The following ANO2 variants were observed in gnomAD, a reference collection of about 807,000 sequenced individuals.
ANO2 encodes the protein anoctamin-2.
In ANO2, 101 loss-of-function variants were observed where a neutral mutation model predicts 124.2. The observed-to-expected ratio is 0.81, with a 90% CI of 0.69 to 0.96. The LOEUF (loss-of-function observed/expected upper bound fraction) is 0.96, where lower values mean the gene tolerates loss of function less well. Among genes scored for constraint, ANO2 ranks in the 40% least tolerant of loss-of-function variants. The pLI is 0.00. For synonymous variants in ANO2, 486 were observed against 482.5 expected, an observed-to-expected ratio of 1.01 and a Z score of -0.09; for missense variants, 1,293 against 1,274.5, an observed-to-expected ratio of 1.01 and a Z score of -0.22.
At chr12:5,597,277 G>C (rs775407915) in intron 20 of ANO2, among the ~76,000 whole-genome samples, 2 of 152,026 alleles carry the variant, frequency 1.3e-5, no homozygotes, top group Non-Finnish European at 2.9e-5. Context: ...GGGCCCCAGT[G>C]TGTGTTGTTC....
chr12:5,733,606 G>A (rs1950735164), intron 13 of ANO2, among the ~76,000 whole-genome samples: 1 of 152,200 alleles, frequency 6.6e-6, no homozygotes, highest in Admixed American at 6.5e-5. Context: ...AGATTCCAAA[G>A]GTCAACGGGC....
rs781757788 is a variant in ANO2 at position 5,921,366 on chromosome 12, C to A, written c.208G>T (p.Val70Phe). The stretch of plus-strand genomic sequence containing the variant: ...TTGGCATCCAGATAGTTGTTGATGA[C>A]CTGGCCAGAGAGAGAGGAGAGGCAG... Reference protein sequence around the residue: ...CGGESTRSSSVINNYLDANEP... With the variant: ...CGGESTRSSSFINNYLDANEP... The change falls in exon 3 of 25, where the codon GTC becomes TTC. Residue 70 changes from valine (V) to phenylalanine (F), a missense_variant and splice_region_variant. Coordinates refer to ENST00000682330, the MANE Select transcript of ANO2 (RefSeq NM_001364791.2). 6.2e-7 allele frequency: 1 copy of A among 1,612,924 alleles called. No individual in the cohort carries two copies. Among genetic ancestry groups the A allele is most frequent in the South Asian group, 1.1e-5 (1 of 91,018 alleles).
intron 10 of ANO2, among the ~76,000 whole-genome samples, chr12:5,781,805 G>A (rs2137134814): frequency 6.6e-6 from 1 of 152,226 alleles, no homozygotes; most frequent in Non-Finnish European, 1.5e-5. Context: ...ATTCCACTGT[G>A]GTCTGAGGAT....
At chr12:5,577,661 A>G (rs1025818839) in intron 22 of ANO2, among the ~76,000 whole-genome samples, 4 of 152,232 alleles carry the variant, frequency 2.6e-5, no homozygotes, top group African/African-American at 9.6e-5. Flanking sequence ...TTCTTTCCTC[A>G]TTATTCTTGG....
At chr12:5,563,682 G>C (rs1941583030) in intron 24 of ANO2, 114 bp from the exon 25 acceptor site, 2 of 1,355,134 alleles carry the variant, frequency 1.5e-6, no homozygotes, top group African/African-American at 1.4e-5. Flanking sequence ...TACCAGCCCA[G>C]TGATCGCAAC....
rs183302272 is a variant in ANO2 at position 5,862,992 on chromosome 12, G to T, written c.535-8851C>A. Among the ~76,000 whole-genome samples the T allele has an allele frequency of 3.3e-5, 5 of 151,750 alleles. No individual in the cohort carries two copies. Among genetic ancestry groups the T allele is most frequent in the African/African-American group, 1.2e-4 (5 of 41,270 alleles). ...TTTTTTTCTTTTTTTTAGTAGAGAC[G>T]GTGAGGGGAAACCCCTTTCATTTGG... On this transcript the variant is annotated intron_variant, in intron 3 of 24. Transcript: ENST00000682330. This position sits in a 1 kb window ranked among gnomAD's most constrained non-coding sequence, Gnocchi z 4.0.
intron 3 of ANO2, among the ~76,000 whole-genome samples, chr12:5,902,376 G>A (rs1940278999): frequency 6.6e-6 from 1 of 151,640 alleles, no homozygotes; most frequent in Non-Finnish European, 1.5e-5. Flanking sequence ...CTTGGAGCCA[G>A]GAGTTTGCAA....
At chr12:5,623,588 A>G (rs905559985) in intron 16 of ANO2, among the ~76,000 whole-genome samples, 47 of 152,262 alleles carry the variant, frequency 3.1e-4, no homozygotes, top group Middle Eastern at 3.4e-3. Context: ...CCAGGGGGCC[A>G]GCTCAGGACT....
chr12:5,635,477 G>A lies in ANO2; in HGVS notation c.1621-130C>T. 2.5e-6 allele frequency: 2 copies of A among 793,496 alleles called. No individual in the cohort carries two copies. The highest frequency in any genetic ancestry group is 3.6e-6 in the Non-Finnish European group (2 of 557,594). 49.2% of individuals were successfully genotyped at this position (793,496 alleles called of 1,614,324 possible). A position where few individuals can be genotyped will look rare whatever the true frequency, so the allele number is the denominator to read the frequency against. ...TGGAATCTTTTGTTGGGTAACAAGGGATTCCAGATATTATTAGTCTGGAAT... is the reference window on the plus strand; with the variant it reads ...TGGAATCTTTTGTTGGGTAACAAGGAATTCCAGATATTATTAGTCTGGAAT... On this transcript the variant is annotated intron_variant, in intron 15 of 24. Transcript: ENST00000682330. This position sits in a 1 kb window ranked among gnomAD's most constrained non-coding sequence, Gnocchi z 5.2.
At chr12:5,730,141 T>C (rs1186576063) in intron 14 of ANO2, among the ~76,000 whole-genome samples, 1 of 152,228 alleles carries the variant, frequency 6.6e-6, no homozygotes, top group Non-Finnish European at 1.5e-5. Flanking sequence ...AATATGCATA[T>C]TGAATTGTGC....
At chr12:5,586,319 C>T (rs1375509557) in intron 20 of ANO2, among the ~76,000 whole-genome samples, 1 of 152,166 alleles carries the variant, frequency 6.6e-6, no homozygotes, top group African/African-American at 2.4e-5. Flanking sequence ...TGAAGCCAGC[C>T]CCTCGATGCT....
chr12:5,647,847 CAG>C (rs1946726039), intron 14 of ANO2, 46 bp from the exon 15 acceptor site: 1 of 1,431,308 alleles, frequency 7.0e-7, no homozygotes, highest in Non-Finnish European at 9.7e-7. Context: ...GCACAAATAA[CAG>C]ATATTAATTT....
intron 10 of ANO2, among the ~76,000 whole-genome samples, chr12:5,788,382 T>G (rs1009894533): frequency 6.6e-6 from 1 of 152,204 alleles, no homozygotes; most frequent in Non-Finnish European, 1.5e-5. Flanking sequence ...TTAATAGCTC[T>G]CACTTTCACT....
At chr12:5,874,720 C>G (rs763325495) in intron 3 of ANO2, among the ~76,000 whole-genome samples, 2 of 152,216 alleles carry the variant, frequency 1.3e-5, no homozygotes, top group Non-Finnish European at 2.9e-5. Context: ...TCCAGCTCAT[C>G]TTCCTCTGAA....
chr12:5,942,081 TC>T (rs1013174196), intron 1 of ANO2, among the ~76,000 whole-genome samples: 1 of 145,660 alleles, frequency 6.9e-6, no homozygotes, highest in African/African-American at 2.4e-5. Context: ...CCTAAGAACT[TC>T]CTGATGGAGT....
At chr12:5,647,519 C>T (rs137959114) in intron 15 of ANO2, among the ~76,000 whole-genome samples, 21 of 152,314 alleles carry the variant, frequency 1.4e-4, no homozygotes, top group African/African-American at 4.8e-4. Flanking sequence ...AGCACCATCT[C>T]GCAACCCACT....
intron 14 of ANO2, among the ~76,000 whole-genome samples, chr12:5,708,899 C>G (rs1368341803): frequency 1.3e-5 from 2 of 152,218 alleles, no homozygotes; most frequent in Admixed American, 1.3e-4. Flanking sequence ...CCATTTGTGT[C>G]ACTGAATAAA....
rs114091567 is a variant in ANO2 at position 5,592,558 on chromosome 12, C to G, written c.2233+6926G>C. The stretch of plus-strand genomic sequence containing the variant: ...TCATCTGCTGCACTGGGCGTGTGAA[C>G]TTTATCTGAAAAGAAGTCTGTAGCG... On this transcript the variant is annotated intron_variant, in intron 20 of 24. Transcript: ENST00000682330. Among the ~76,000 whole-genome samples the G allele has an allele frequency of 7.9e-3, 1,203 of 152,184 alleles. 9 individuals carry two copies. Among genetic ancestry groups the G allele is most frequent in the African/African-American group, 0.017 (689 of 41,500 alleles).
chr12:5,920,076 G>C (rs748568571), intron 3 of ANO2, among the ~76,000 whole-genome samples: 10 of 108,716 alleles, frequency 9.2e-5, no homozygotes, highest in African/African-American at 2.6e-4. Context: ...TGGATGGATG[G>C]ATGGATGCAT....
Sources: gnomAD v4.1 joint callset for allele counts (sites outside exome capture counted in the v4.1 genomes callset) on GRCh38, gnomAD v4.1.1 for gene constraint, Gnocchi (gnomAD v3.1) non-coding constraint, MANE v1.5 for transcripts, NCBI Gene and HGNC (gene_info 2026-07-23, HGNC 2026-07-21) for gene names.